IQCK: variants seen among roughly 807,000 people sequenced by gnomAD.
IQCK encodes IQ domain-containing protein K.
Under a neutral mutation model 28.1 loss-of-function variants are expected in IQCK, and 29 were observed. The ratio of observed to expected loss-of-function variants is 1.03; its 90% CI spans 0.77 to 1.41. The LOEUF (loss-of-function observed/expected upper bound fraction) is 1.41, where lower values mean the gene tolerates loss of function less well. Among genes scored for constraint, IQCK ranks in the 40% most tolerant of loss-of-function variants. IQCK has a pLI of 0.00. For synonymous variants in IQCK, 113 were observed against 115.1 expected (o/e 0.98, Z 0.12); for missense variants, 359 against 314.7 (o/e 1.14, Z -1.07).
chr16:19,770,865 C>A (rs2055310900), intron 6 of IQCK, among the ~76,000 whole-genome samples: 1 of 152,056 alleles, frequency 6.6e-6, no homozygotes, highest in South Asian at 2.1e-4. Flanking sequence ...TCAAGTGATC[C>A]ACCTGCCTCA....
intron 7 of IQCK, among the ~76,000 whole-genome samples, chr16:19,803,023 T>C (rs1480426356): frequency 6.6e-6 from 1 of 152,252 alleles, no homozygotes; most frequent in Non-Finnish European, 1.5e-5. Flanking sequence ...TGACAGATTT[T>C]GTTTTTAATT....
At chr16:19,727,573 C>G (rs756858337) in intron 1 of IQCK, among the ~76,000 whole-genome samples, 6 of 140,546 alleles carry the variant, frequency 4.3e-5, no homozygotes, top group African/African-American at 1.7e-4. Context: ...GGCGACAGAG[C>G]GAGACTTTGT....
chr16:19,820,648 CAAAAAAAA>C (rs35161795), intron 7 of IQCK, among the ~76,000 whole-genome samples: 2 of 109,100 alleles, frequency 1.8e-5, no homozygotes, highest in African/African-American at 6.4e-5. Context: ...AACTCTGTAT[CAAAAAAAA>C]AAAAAAAAAG....
downstream of IQCK, among the ~76,000 whole-genome samples, chr16:19,829,258 G>T (rs931267760): frequency 2.0e-5 from 3 of 151,488 alleles, no homozygotes; most frequent in African/African-American, 7.3e-5. Flanking sequence ...CCCTCAGTGG[G>T]CTGCAGCCCC....
chr16:19,841,471 C>G (rs2056361508), intron 9 of IQCK, among the ~76,000 whole-genome samples: 2 of 152,122 alleles, frequency 1.3e-5, no homozygotes, highest in African/African-American at 4.8e-5. Flanking sequence ...GTCCCAAGAC[C>G]TGCATTGGAA....
At chr16:19,808,524 C>T (rs762073294) in intron 7 of IQCK, among the ~76,000 whole-genome samples, 1 of 152,134 alleles carries the variant, frequency 6.6e-6, no homozygotes, top group African/African-American at 2.4e-5. Context: ...TTTCACTTCT[C>T]AGAGCCTCAT....
intron 1 of IQCK, among the ~76,000 whole-genome samples, chr16:19,726,476 A>G (rs540152126): frequency 4.4e-4 from 67 of 152,226 alleles, no homozygotes; most frequent in Non-Finnish European, 9.1e-4. Flanking sequence ...TAAGGATCCT[A>G]CCAAAATACC....
intron 6 of IQCK, among the ~76,000 whole-genome samples, chr16:19,770,258 G>A (rs563623657): frequency 1.6e-4 from 24 of 152,252 alleles, no homozygotes; most frequent in Non-Finnish European, 2.8e-4. Flanking sequence ...GTGTAACAAT[G>A]ACTTGTTTCA....
At chr16:19,754,061 G>A (rs2055020840) in intron 4 of IQCK, among the ~76,000 whole-genome samples, 1 of 152,078 alleles carries the variant, frequency 6.6e-6, no homozygotes, top group Non-Finnish European at 1.5e-5. Flanking sequence ...CTCAGGTCTA[G>A]GTGGGGTGAG....
At chr16:19,740,922 C>A (rs912914053) in intron 4 of IQCK, among the ~76,000 whole-genome samples, 1 of 150,124 alleles carries the variant, frequency 6.7e-6, no homozygotes, top group South Asian at 2.1e-4. Context: ...GAGCCAAGAT[C>A]GTGCCACTGC....
At chr16:19,727,588 C>A (rs538018007) in intron 1 of IQCK, among the ~76,000 whole-genome samples, 16 of 128,210 alleles carry the variant, frequency 1.2e-4, no homozygotes, top group African/African-American at 5.0e-4. Flanking sequence ...CTTTGTCACC[C>A]CCCCCCCCCA....
intron 4 of IQCK, among the ~76,000 whole-genome samples, chr16:19,745,946 G>A (rs1290017736): frequency 6.6e-6 from 1 of 152,130 alleles, no homozygotes; most frequent in Non-Finnish European, 1.5e-5. Context: ...CTTTCCAAGA[G>A]GGTAAAAGCA....
At chr16:19,728,771 A>G (rs1381236751) in intron 1 of IQCK, among the ~76,000 whole-genome samples, 1 of 152,238 alleles carries the variant, frequency 6.6e-6, no homozygotes, top group Non-Finnish European at 1.5e-5. Context: ...ACAATAATAG[A>G]AAACGAATAC....
intron 7 of IQCK, among the ~76,000 whole-genome samples, chr16:19,823,146 C>A (rs1475107622): frequency 6.6e-6 from 1 of 151,894 alleles, no homozygotes. Flanking sequence ...GGCTTGGGCT[C>A]CCTCAAAGGA....
chr16:19,824,864 T>G lies in IQCK; in HGVS notation c.691-2162T>G, dbSNP rs140352859. ...GACTGTTTCACCATTCTGCACCTCT[T>G]GCAGAGGCCAGTATCTCTCCCAGGA... On this transcript the variant is annotated intron_variant, in intron 7 of 7. Transcript: ENST00000564186. Among the ~76,000 whole-genome samples the G allele has an allele frequency of 5.9e-5, 9 of 152,312 alleles. No individual in the cohort carries two copies. In the East Asian group the frequency reaches 1.7e-3, roughly 29 times the overall value.
intron 1 of IQCK, among the ~76,000 whole-genome samples, chr16:19,723,237 T>C (rs1319301036): frequency 6.6e-6 from 1 of 152,086 alleles, no homozygotes; most frequent in Non-Finnish European, 1.5e-5. Context: ...CTGGCTGTCG[T>C]AGGAACCTCT....
In IQCK at chr16:19,816,529, G is replaced by C. The variant is rs558807162; in HGVS notation, c.691-10497G>C. Among the ~76,000 whole-genome samples the C allele has an allele frequency of 2.0e-5, 3 of 152,242 alleles. No individual in the cohort carries two copies. The South Asian group carries it at 6.2e-4, about 32-fold the overall frequency. On this transcript the variant is annotated intron_variant, in intron 7 of 7. Transcript: ENST00000564186. ...ACTCCTGACCTCAGGGGATCCACCC[G>C]CCTCAGCCTCCCAAAGTGCTGGGAT...
intron 7 of IQCK, among the ~76,000 whole-genome samples, chr16:19,806,492 C>T (rs2055835482): frequency 6.6e-6 from 1 of 151,662 alleles, no homozygotes; most frequent in African/African-American, 2.4e-5. Flanking sequence ...TTGAGACTAG[C>T]CTGGGCAACA....
chr16:19,814,220 CAAAAAAAAA>C (rs71146272), intron 7 of IQCK, among the ~76,000 whole-genome samples: 8 of 19,436 alleles, frequency 4.1e-4, no homozygotes, highest in Admixed American at 6.4e-4. Flanking sequence ...AACTCTATCT[CAAAAAAAAA>C]AAAAAAAAAA....
Sources: allele counts gnomAD v4.1 joint callset (sites outside exome capture counted in the v4.1 genomes callset), GRCh38; gene constraint gnomAD v4.1.1; transcripts MANE v1.5; gene names NCBI Gene and HGNC (gene_info 2026-07-23, HGNC 2026-07-21).